Variants in SFMBT2 observed in about 807,000 individuals in gnomAD.
The protein encoded by SFMBT2 is Scm like with four mbt domains 2.
Under a neutral mutation model 110.1 loss-of-function variants are expected in SFMBT2, and 38 were observed. The observed-to-expected ratio is 0.35, with a 90% CI of 0.27 to 0.45. The LOEUF (loss-of-function observed/expected upper bound fraction) is 0.45. Among genes scored for constraint, SFMBT2 ranks in the 20% least tolerant of loss-of-function variants. The pLI is 1.00. For synonymous variants in SFMBT2, 425 were observed against 425.4 expected, an observed-to-expected ratio of 1.00 and a Z score of 0.01; for missense variants, 1,011 against 1,094.9, an observed-to-expected ratio of 0.92 and a Z score of 1.08.
intron 3 of SFMBT2, 28 bp downstream of exon 3, chr10:7,370,253 C>A: frequency 6.3e-7 from 1 of 1,590,936 alleles, no homozygotes; most frequent in Non-Finnish European, 8.6e-7. Flanking sequence ...TTTCTAGACA[C>A]AGAGAAGACA....
At chr10:7,345,333 A>G (rs1377695537) in intron 4 of SFMBT2, among the ~76,000 whole-genome samples, 1 of 152,196 alleles carries the variant, frequency 6.6e-6, no homozygotes, top group Non-Finnish European at 1.5e-5. Flanking sequence ...TTACAGTTTA[A>G]TAAACTAATA....
intron 16 of SFMBT2, among the ~76,000 whole-genome samples, chr10:7,180,438 C>A (rs751403389): frequency 2.0e-5 from 3 of 152,006 alleles, no homozygotes; most frequent in African/African-American, 4.8e-5. Context: ...TGTGCCCAGC[C>A]CCCTTTAGGG....
chr10:7,228,745 TCTCTCTCTC>T (rs1840014424), intron 9 of SFMBT2, among the ~76,000 whole-genome samples: 2 of 73,900 alleles, frequency 2.7e-5, no homozygotes, highest in Non-Finnish European at 5.8e-5. Flanking sequence ...CCTTTCTCTC[TCTCTCTCTC>T]TCTCTCTCTC....
intron 4 of SFMBT2, among the ~76,000 whole-genome samples, chr10:7,300,272 G>C (rs1412437550): frequency 2.0e-5 from 3 of 151,248 alleles, no homozygotes; most frequent in Non-Finnish European, 2.9e-5. Flanking sequence ...TGCACGTTCT[G>C]CACATGTATC....
chr10:7,326,783 T>A (rs772021745), intron 4 of SFMBT2, among the ~76,000 whole-genome samples: 1 of 152,160 alleles, frequency 6.6e-6, no homozygotes, highest in South Asian at 2.1e-4. Flanking sequence ...ACCTCAAATC[T>A]CTGGCTCTTT....
intron 4 of SFMBT2, among the ~76,000 whole-genome samples, chr10:7,304,523 C>CA (rs1842640487): frequency 6.6e-6 from 1 of 152,148 alleles, no homozygotes; most frequent in South Asian, 2.1e-4. Flanking sequence ...CCTAACTTAA[C>CA]AAACGGGTTA....
In SFMBT2 at chr10:7,302,829, G is replaced by C. The variant is rs139881471; in HGVS notation, c.437-16875C>G. ...AGCACCAGTAGGAATGAAAGGAGGT[G>C]TATTTGAATAACTGACTCCCTCACT... On this transcript the variant is annotated intron_variant, in intron 4 of 20. Coordinates refer to ENST00000397167, the MANE Select transcript of SFMBT2 (RefSeq NM_001387889.1). Among the ~76,000 whole-genome samples, 75 of 152,274 alleles carry C rather than the reference G, an allele frequency of 4.9e-4. 1 individual carries two copies. The East Asian group carries it at 0.011, about 23-fold the overall frequency.
intron 7 of SFMBT2, among the ~76,000 whole-genome samples, chr10:7,259,104 C>A (rs1308287816): frequency 6.6e-6 from 1 of 152,184 alleles, no homozygotes; most frequent in East Asian, 1.9e-4. Flanking sequence ...AATGCATTAA[C>A]TCAACTGCTG....
At chr10:7,272,674 G>A (rs1395084840) in intron 7 of SFMBT2, among the ~76,000 whole-genome samples, 2 of 152,142 alleles carry the variant, frequency 1.3e-5, no homozygotes, top group Non-Finnish European at 2.9e-5. Context: ...GCCCCAGGTG[G>A]GACATTGGGA....
intron 20 of SFMBT2, among the ~76,000 whole-genome samples, chr10:7,169,287 C>CT (rs1171223576): frequency 5.3e-5 from 8 of 152,210 alleles, no homozygotes; most frequent in Admixed American, 1.3e-4. Flanking sequence ...TCAGCATGAA[C>CT]TTAGTGGGTG....
intron 11 of SFMBT2, among the ~76,000 whole-genome samples, chr10:7,215,006 C>A (rs1839485684): frequency 6.6e-6 from 1 of 152,206 alleles, no homozygotes; most frequent in Admixed American, 6.5e-5. Context: ...GGCATTTCTG[C>A]CTCAACTAAA....
chr10:7,284,232 T>G, intron 5 of SFMBT2, 82 bp from the exon 6 acceptor site: 2 of 1,547,380 alleles, frequency 1.3e-6, no homozygotes, highest in Non-Finnish European at 1.7e-6. Flanking sequence ...GAAGATAATA[T>G]TTTTTCACAC....
At chr10:7,176,547 A>G (rs1838061324) in intron 16 of SFMBT2, 1 of 981,320 alleles carries the variant, frequency 1.0e-6, no homozygotes, top group Non-Finnish European at 1.2e-6. Context: ...TTCATTTTTG[A>G]AAAATGTGAG....
At chr10:7,385,527 A>T (rs1376431882) in intron 1 of SFMBT2, among the ~76,000 whole-genome samples, 2 of 152,258 alleles carry the variant, frequency 1.3e-5, no homozygotes, top group African/African-American at 2.4e-5. Flanking sequence ...AGACAATGCC[A>T]GAATGTATCC....
At chr10:7,392,963 T>C (rs1027809817) in intron 1 of SFMBT2, among the ~76,000 whole-genome samples, 1 of 140,434 alleles carries the variant, frequency 7.1e-6, no homozygotes, top group Admixed American at 7.3e-5. Context: ...CTATCCTATA[T>C]ATACAAGTAT....
At chr10:7,194,931 A>C (rs563446319) in intron 15 of SFMBT2, among the ~76,000 whole-genome samples, 47 of 152,334 alleles carry the variant, frequency 3.1e-4, no homozygotes, top group Admixed American at 1.2e-3. Flanking sequence ...GCTGAAGCCA[A>C]GGTCATCTTG....
intron 11 of SFMBT2, chr10:7,206,318 G>A (rs957120376): frequency 5.1e-6 from 5 of 985,266 alleles, no homozygotes; most frequent in South Asian, 4.7e-5. Flanking sequence ...GGAATGTATC[G>A]GAGCTTGGGG....
At chr10:7,393,320 C>T (rs1193984707) in intron 1 of SFMBT2, among the ~76,000 whole-genome samples, 2 of 152,050 alleles carry the variant, frequency 1.3e-5, no homozygotes, top group African/African-American at 4.8e-5. Flanking sequence ...CATGAGTCAC[C>T]ATGCCCGGCC....
intron 13 of SFMBT2, 120 bp downstream of exon 13, chr10:7,202,360 C>A: frequency 8.0e-7 from 1 of 1,250,096 alleles, no homozygotes; most frequent in South Asian, 1.2e-5. Context: ...TTACTGCTAC[C>A]TCTACTAGGG....
Sources: gnomAD v4.1 joint callset for allele counts (sites outside exome capture counted in the v4.1 genomes callset) on GRCh38, gnomAD v4.1.1 for gene constraint, MANE v1.5 for transcripts, NCBI Gene and HGNC (gene_info 2026-07-23, HGNC 2026-07-21) for gene names.